Variants in PAX2 observed in about 807,000 individuals in gnomAD.
PAX2 encodes paired box protein Pax-2.
A neutral mutation model predicts 41.7 loss-of-function variants in PAX2; 9 were observed. The ratio of observed to expected loss-of-function variants is 0.22; its 90% CI spans 0.13 to 0.38. The LOEUF (loss-of-function observed/expected upper bound fraction) is 0.38. PAX2 is among the 10% of genes least tolerant of loss of function. The pLI, the probability that PAX2 is intolerant of heterozygous loss-of-function variation, is 1.00. For missense variants in PAX2, 418 were observed against 531.6 expected, an observed-to-expected ratio of 0.79 and a Z score of 2.10; for synonymous variants, 221 against 212.7, an observed-to-expected ratio of 1.04 and a Z score of -0.34.
intron 1 of PAX2, chr10:100,747,801 G>C (rs529264524): frequency 8.1e-6 from 8 of 984,980 alleles, no homozygotes; most frequent in Non-Finnish European, 9.6e-6. Flanking sequence ...GGTCCTTTTC[G>C]GGAGGAGTGG....
Position 100,786,418 on chromosome 10 carries a change from T to C in PAX2, c.616+5053T>C, listed in dbSNP as rs567275398. 2.0e-5 allele frequency among the ~76,000 whole-genome samples: 3 copies of C among 152,360 alleles called. No individual in the cohort carries two copies. In the East Asian group the frequency reaches 5.8e-4, roughly 29 times the overall value. The stretch of plus-strand genomic sequence containing the variant: ...CCCTCTATTCATCTGTGGACATTAC[T>C]GCTCCCACATGCAAGTTTATTTCTT... On this transcript the variant is annotated intron_variant, in intron 5 of 9. Transcript: ENST00000355243.
chr10:100,760,349 A>G (rs764935203), intron 3 of PAX2, among the ~76,000 whole-genome samples: 6 of 152,096 alleles, frequency 3.9e-5, no homozygotes. Flanking sequence ...CCTGTTTGGG[A>G]TGTTAGTTAA....
intron 3 of PAX2, among the ~76,000 whole-genome samples, chr10:100,762,899 G>T (rs1469669619): frequency 6.6e-6 from 1 of 152,212 alleles, no homozygotes; most frequent in Non-Finnish European, 1.5e-5. Flanking sequence ...GCAAGCTGTT[G>T]TCTGTGCTGG....
chr10:100,803,091 T>G (rs116392413), intron 5 of PAX2, among the ~76,000 whole-genome samples: 1,752 of 152,012 alleles, frequency 0.012, 42 homozygotes, highest in African/African-American at 0.04. Flanking sequence ...CCTCCTTTAC[T>G]CTCTTCTTCT....
At chr10:100,754,848 G>C (rs1183186266) in intron 3 of PAX2, among the ~76,000 whole-genome samples, 1 of 152,182 alleles carries the variant, frequency 6.6e-6, no homozygotes, top group Non-Finnish European at 1.5e-5. Flanking sequence ...GGGTGGTACT[G>C]CCTACCACAT....
At chr10:100,756,453 CCCAA>C (rs1845635577) in intron 3 of PAX2, among the ~76,000 whole-genome samples, 1 of 152,206 alleles carries the variant, frequency 6.6e-6, no homozygotes, top group Non-Finnish European at 1.5e-5. Flanking sequence ...ACTTCAAGTA[CCCAA>C]ACAACCATTC....
intron 1 of PAX2, among the ~76,000 whole-genome samples, chr10:100,739,014 G>GACACACACACACACACACAC (rs61617727): frequency 1.2e-4 from 16 of 138,350 alleles, no homozygotes; most frequent in East Asian, 2.2e-4. Flanking sequence ...CGCGCACGCG[G>GACACACACACACACACACAC]ACACACACAC....
At chr10:100,799,194 G>T (rs1847451990) in intron 5 of PAX2, among the ~76,000 whole-genome samples, 1 of 151,798 alleles carries the variant, frequency 6.6e-6, no homozygotes, top group South Asian at 2.1e-4. Flanking sequence ...GAGCCCCACT[G>T]CTCCCCCAGC....
At chr10:100,741,869 C>T (rs147217446), upstream of PAX2, among the ~76,000 whole-genome samples, 321 of 152,308 alleles carry the variant, frequency 2.1e-3, 1 homozygote, top group African/African-American at 7.3e-3. Flanking sequence ...CTGTGGGGAG[C>T]ATTTCCTGGG....
intron 7 of PAX2, among the ~76,000 whole-genome samples, chr10:100,817,529 G>A (rs373202371): frequency 2.6e-5 from 4 of 152,228 alleles, no homozygotes; most frequent in Non-Finnish European, 4.4e-5. Context: ...GGTTGTGTCC[G>A]GCCGGTTGGC....
At chr10:100,772,213 C>G (rs1846240733) in intron 3 of PAX2, among the ~76,000 whole-genome samples, 1 of 152,202 alleles carries the variant, frequency 6.6e-6, no homozygotes, top group Non-Finnish European at 1.5e-5. Flanking sequence ...TCCACCGACT[C>G]CAGTCGTGGG....
intron 7 of PAX2, among the ~76,000 whole-genome samples, chr10:100,812,646 A>G (rs1848034367): frequency 6.6e-6 from 1 of 152,162 alleles, no homozygotes; most frequent in African/African-American, 2.4e-5. Context: ...GGAAGAAAAG[A>G]TAGTCCCTGT....
At position 100,750,754 on chromosome 10, in the gene PAX2, G is replaced by A. The variant is rs769483204; in HGVS notation, c.273G>A (p.Ala91=). 5.0e-6 allele frequency: 8 copies of A among 1,614,078 alleles called. No homozygotes were observed. The African/African-American group carries it at 5.3e-5, about 11-fold the overall frequency. The change falls in exon 3 of 10, where the codon GCG becomes GCA. Residue 91 remains alanine, a synonymous_variant. Coordinates refer to ENST00000355243, the MANE Select transcript of PAX2 (RefSeq NM_000278.5). This position sits in a 1 kb window ranked among gnomAD's most constrained non-coding sequence, Gnocchi z 4.1. ...GVIGGSKPKV[A]TPKVVDKIAE... ...TCGGTGGCTCCAAGCCCAAAGTGGC[G>A]ACGCCCAAAGTGGTGGACAAGATTG...
intron 3 of PAX2, among the ~76,000 whole-genome samples, chr10:100,756,358 C>G (rs1363940664): frequency 6.6e-6 from 1 of 152,156 alleles, no homozygotes; most frequent in Non-Finnish European, 1.5e-5. Flanking sequence ...ATCTTCACCC[C>G]CTCCTTGTGT....
At chr10:100,801,330 A>G (rs1847556001) in intron 5 of PAX2, among the ~76,000 whole-genome samples, 1 of 152,272 alleles carries the variant, frequency 6.6e-6, no homozygotes, top group Admixed American at 6.5e-5. Context: ...CTTTTGTTAA[A>G]TGCTAAGCAA....
chr10:100,820,213 A>T (rs1268375691), intron 7 of PAX2, among the ~76,000 whole-genome samples: 2 of 152,124 alleles, frequency 1.3e-5, no homozygotes, highest in African/African-American at 4.8e-5. Flanking sequence ...TTGTCAGATG[A>T]CTTCTTTTCC....
intron 7 of PAX2, among the ~76,000 whole-genome samples, chr10:100,816,256 C>A (rs1306220497): frequency 2.0e-5 from 3 of 152,184 alleles, no homozygotes; most frequent in African/African-American, 7.2e-5. Flanking sequence ...TAAAGGATTG[C>A]CCAGTTGAGA....
At chr10:100,759,581 C>T (rs1234823019) in intron 3 of PAX2, among the ~76,000 whole-genome samples, 2 of 152,206 alleles carry the variant, frequency 1.3e-5, no homozygotes, top group East Asian at 1.9e-4. Flanking sequence ...TCCTCCTCTG[C>T]CTGCCCTCAG....
At chr10:100,799,750 G>T (rs1181918640) in intron 5 of PAX2, among the ~76,000 whole-genome samples, 8 of 144,928 alleles carry the variant, frequency 5.5e-5, no homozygotes, top group African/African-American at 2.1e-4. Context: ...ACAGATAGAT[G>T]TTTGTATTTG....
Sources: allele counts gnomAD v4.1 joint callset (sites outside exome capture counted in the v4.1 genomes callset), GRCh38; gene constraint gnomAD v4.1.1; non-coding constraint Gnocchi (gnomAD v3.1); transcripts MANE v1.5; gene names NCBI Gene and HGNC (gene_info 2026-07-23, HGNC 2026-07-21).